Variants in ARHGEF18 observed in about 807,000 individuals in gnomAD.
The protein encoded by ARHGEF18 is rho guanine nucleotide exchange factor 18.
In ARHGEF18, 93 loss-of-function variants were observed where a neutral mutation model predicts 155.7. The observed-to-expected ratio is 0.60, with a 90% CI of 0.50 to 0.71. The LOEUF (loss-of-function observed/expected upper bound fraction) is 0.71. Among genes scored for constraint, ARHGEF18 ranks in the 30% least tolerant of loss-of-function variants. The probability of loss-of-function intolerance (pLI) is 0.00; values close to 1 mark genes in which losing one functional copy is unlikely to be tolerated. For missense variants in ARHGEF18, 1,593 were observed against 1,816.1 expected (o/e 0.88, Z 2.23); for synonymous variants, 742 against 753.1 (o/e 0.99, Z 0.24).
At chr19:7,386,348 G>A (rs992726513) in intron 10 of ARHGEF18, among the ~76,000 whole-genome samples, 6 of 151,760 alleles carry the variant, frequency 4.0e-5, no homozygotes, top group African/African-American at 1.2e-4. Context: ...GTGTGGGGCC[G>A]CCCTGTGCCT....
intron 1 of ARHGEF18, among the ~76,000 whole-genome samples, chr19:7,359,529 C>A (rs999265739): frequency 6.6e-6 from 1 of 151,938 alleles, no homozygotes; most frequent in Admixed American, 6.6e-5. Flanking sequence ...GACTATGACA[C>A]CAGGATTAGG....
chr19:7,439,727 C>G, intron 10 of ARHGEF18: 1 of 1,338,352 alleles, frequency 7.5e-7, no homozygotes. Flanking sequence ...TAGAGTCACC[C>G]TAACATCTGA....
rs963168344 is a variant in ARHGEF18, at chr19:7,426,497, A to G, written c.968-13847A>G. On this transcript the variant is annotated intron_variant, in intron 10 of 28. Coordinates refer to ENST00000668164, the MANE Select transcript of ARHGEF18 (RefSeq NM_001367823.1). ...GTGAGACTCTGTCTCAAAAAAAAAA[A>G]AAAAAGAAAAAAAGCACCAAAGAAT... Among the ~76,000 whole-genome samples the G allele has an allele frequency of 4.2e-4, 63 of 151,774 alleles. 1 individual carries two copies. The East Asian group carries it at 6.8e-3, about 16-fold the overall frequency.
intron 10 of ARHGEF18, among the ~76,000 whole-genome samples, chr19:7,394,817 C>G (rs1442534303): frequency 6.6e-6 from 1 of 152,102 alleles, no homozygotes; most frequent in Non-Finnish European, 1.5e-5. Flanking sequence ...TCCCCGCAAC[C>G]CAGCTGTCCC....
chr19:7,470,307 T>A lies in ARHGEF18; in HGVS notation c.*9T>A. 6.6e-7 allele frequency: 1 copy of A among 1,511,072 alleles called. No individual in the cohort carries two copies. The highest frequency in any genetic ancestry group is 1.3e-5 in the South Asian group (1 of 77,990). 93.6% of individuals were successfully genotyped at this position (1,511,072 alleles called of 1,614,324 possible). On this transcript the variant is annotated 3_prime_UTR_variant, in exon 29 of 29. Transcript: ENST00000668164. This position sits in a 1 kb window ranked among gnomAD's most constrained non-coding sequence, Gnocchi z 5.9. Reference sequence around the variant, plus strand: ...ACGTCATCTTCTTCTAAAAGGGCCGTGACTCAAGGTGCAAGGCCCCTCCCT... The same window carrying A: ...ACGTCATCTTCTTCTAAAAGGGCCGAGACTCAAGGTGCAAGGCCCCTCCCT...
chr19:7,403,526 G>C (rs1972126578), intron 10 of ARHGEF18, among the ~76,000 whole-genome samples: 1 of 148,798 alleles, frequency 6.7e-6, no homozygotes. Flanking sequence ...CCTAAACTTA[G>C]CTTTTTCTTT....
chr19:7,448,999 A>G (rs1975188831), intron 15 of ARHGEF18, among the ~76,000 whole-genome samples: 1 of 152,104 alleles, frequency 6.6e-6, no homozygotes, highest in Non-Finnish European at 1.5e-5. Flanking sequence ...TAGGAGTGAC[A>G]TGCGTTTAAA....
At chr19:7,392,392 A>G (rs769004033) in intron 10 of ARHGEF18, among the ~76,000 whole-genome samples, 7 of 151,906 alleles carry the variant, frequency 4.6e-5, no homozygotes, top group Non-Finnish European at 1.0e-4. Flanking sequence ...TCCTATAACC[A>G]AGATAGCTAT....
At chr19:7,382,141 G>C (rs1302428283) in intron 8 of ARHGEF18, among the ~76,000 whole-genome samples, 2 of 152,094 alleles carry the variant, frequency 1.3e-5, no homozygotes, top group African/African-American at 4.8e-5. Flanking sequence ...GGCCGGGCGT[G>C]GTGGCTCATG....
At chr19:7,472,788 C>T, downstream of ARHGEF18, 1 of 350,170 alleles carries the variant, frequency 2.9e-6, no homozygotes, top group Non-Finnish European at 5.7e-6. Flanking sequence ...CAACCTCTGC[C>T]TCCCGGGTTC....
At chr19:7,458,391 T>C (rs1313207121) in intron 18 of ARHGEF18, 121 bp from the exon 19 acceptor site, 5 of 870,528 alleles carry the variant, frequency 5.7e-6, no homozygotes, top group Non-Finnish European at 8.3e-6. Context: ...TTTGAATTGT[T>C]TGAAAAGAAA....
At chr19:7,385,732 TC>T (rs1199856466) in intron 10 of ARHGEF18, among the ~76,000 whole-genome samples, 1 of 151,828 alleles carries the variant, frequency 6.6e-6, no homozygotes, top group Non-Finnish European at 1.5e-5. Context: ...TGCCTTGGCC[TC>T]CCAAAGTGCT....
chr19:7,390,644 GTTA>G (rs1376923570), intron 10 of ARHGEF18: 2 of 151,952 alleles, frequency 1.3e-5, no homozygotes, highest in Non-Finnish European at 2.9e-5. Context: ...TTCATTTTTT[GTTA>G]TTGTCATTTA....
chr19:7,366,944 T>TA (rs1969914205), intron 2 of ARHGEF18, among the ~76,000 whole-genome samples: 1 of 151,420 alleles, frequency 6.6e-6, no homozygotes, highest in Admixed American at 6.6e-5. Context: ...TTTTTTTTTT[T>TA]AAAGATGGGA....
At position 7,410,023 on chromosome 19, in the gene ARHGEF18, C is replaced by T. The variant is rs145276521; in HGVS notation, c.967+26820C>T. ...CAGGTTGGTCTTGAACTCCTGACCT[C>T]GTGATCCACCCGCCTTGGCCTCCCA... On this transcript the variant is annotated intron_variant, in intron 10 of 28. Transcript: ENST00000668164. Among the ~76,000 whole-genome samples, 1,193 of 147,954 alleles carry T rather than the reference C, an allele frequency of 8.1e-3. 88 individuals carry two copies. The East Asian group carries it at 0.18, about 22-fold the overall frequency.
chr19:7,388,060 G>A (rs1467256243), intron 10 of ARHGEF18, among the ~76,000 whole-genome samples: 1 of 152,044 alleles, frequency 6.6e-6, no homozygotes, highest in Non-Finnish European at 1.5e-5. Context: ...AGCAAGGTGA[G>A]TGGCTTATCA....
intron 15 of ARHGEF18, among the ~76,000 whole-genome samples, chr19:7,450,909 A>T (rs1028819909): frequency 1.3e-4 from 3 of 22,472 alleles, no homozygotes; most frequent in African/African-American, 4.0e-4. Flanking sequence ...TACCTTTCTG[A>T]GATGTTAATG....
Position 7,444,423 on chromosome 19 carries a change from T to A in ARHGEF18, c.1580T>A (p.Ile527Asn), listed in dbSNP as rs1310701386. 6.2e-7 allele frequency: 1 copy of A among 1,613,658 alleles called. No homozygotes were observed. Among genetic ancestry groups the A allele is most frequent in the East Asian group, 2.2e-5 (1 of 44,872 alleles). The stretch of plus-strand genomic sequence containing the variant: ...GAGGGCAGTGACCGGAATTATGTCA[T>A]CCAGAAAATCGGCGACCTCCTGGTT... ...LEEGSDRNYVIQKIGDLLVQQ... is the reference protein window; with the variant it reads ...LEEGSDRNYVNQKIGDLLVQQ... Residue 527 changes from isoleucine (I) to asparagine (N), a missense_variant, in exon 14 of 29, where the codon ATC (isoleucine) becomes AAC (asparagine). Physicochemically the swap from Ile to Asn is moderately radical, Grantham distance 149. Coordinates refer to ENST00000668164, the MANE Select transcript of ARHGEF18 (RefSeq NM_001367823.1). This position sits in a 1 kb window ranked among gnomAD's most constrained non-coding sequence, Gnocchi z 4.7.
intron 18 of ARHGEF18, 93 bp downstream of exon 18, chr19:7,456,496 C>A: frequency 8.8e-7 from 1 of 1,142,768 alleles, no homozygotes; most frequent in Non-Finnish European, 1.3e-6. Context: ...GTGGGCAGAT[C>A]ACTTGAGGTC....
Sources: allele counts gnomAD v4.1 joint callset (sites outside exome capture counted in the v4.1 genomes callset), GRCh38; gene constraint gnomAD v4.1.1; non-coding constraint Gnocchi (gnomAD v3.1); transcripts MANE v1.5; gene names NCBI Gene and HGNC (gene_info 2026-07-23, HGNC 2026-07-21).